The following TRPV2 variants were observed in gnomAD, a reference collection of about 807,000 sequenced individuals.
The protein encoded by TRPV2 is transient receptor potential cation channel subfamily V member 2.
A neutral mutation model predicts 91.0 loss-of-function variants in TRPV2; 58 were observed. That is an observed-to-expected ratio of 0.64 (90% CI 0.52 to 0.79). TRPV2 has a LOEUF of 0.79. Among genes scored for constraint, TRPV2 ranks in the 30% least tolerant of loss-of-function variants. The pLI is 0.00. For synonymous variants in TRPV2, 417 were observed against 414.8 expected, an observed-to-expected ratio of 1.01 and a Z score of -0.06; for missense variants, 807 against 969.6, an observed-to-expected ratio of 0.83 and a Z score of 2.23.
chr17:16,428,716 T>C (rs1001212454), intron 9 of TRPV2, 101 bp from the exon 10 acceptor site: 9 of 1,378,976 alleles, frequency 6.5e-6, no homozygotes, highest in Admixed American at 5.8e-5. Flanking sequence ...AGGTTAAATG[T>C]CTTGCCTAAG....
chr17:16,417,524 C>A, intron 1 of TRPV2, 38 bp from the exon 2 acceptor site: 3 of 817,672 alleles, frequency 3.7e-6, no homozygotes, highest in Non-Finnish European at 5.7e-6. Context: ...AGCCACCACG[C>A]CCAGCCTTTT....
intron 14 of TRPV2, among the ~76,000 whole-genome samples, chr17:16,436,005 C>T (rs1338973539): frequency 6.6e-6 from 1 of 152,176 alleles, no homozygotes; most frequent in African/African-American, 2.4e-5. Context: ...CCAACAGGAA[C>T]AGCCTCGGGG....
At chr17:16,424,729 C>T (rs1033956278) in intron 5 of TRPV2, among the ~76,000 whole-genome samples, 4 of 151,976 alleles carry the variant, frequency 2.6e-5, no homozygotes, top group African/African-American at 9.7e-5. Flanking sequence ...ATTTTGTCTA[C>T]CATAGCACTT....
Position 16,426,823 on chromosome 17 carries a change from G to A in TRPV2, c.1197G>A (p.Leu399=), listed in dbSNP as rs1303567982. The change falls in exon 7 of 15, where the codon CTG becomes CTA. Residue 399 remains leucine (L), a synonymous_variant. Coordinates refer to ENST00000338560, the MANE Select transcript of TRPV2 (RefSeq NM_016113.5). The surrounding 1 kb of genome is among the most constrained non-coding windows in gnomAD (Gnocchi z 6.0). Reference sequence around the variant, plus strand: ...TCTTCTTAAACTTCCTGTGTAATCTGATCTACATGTTCATCTTCACCGCTG... The same window carrying A: ...TCTTCTTAAACTTCCTGTGTAATCTAATCTACATGTTCATCTTCACCGCTG... ...PKFFLNFLCN[L]IYMFIFTAVA... is the part of the protein sequence containing the mutation. 1.9e-6 allele frequency: 3 copies of A among 1,613,746 alleles called. No individual in the cohort carries two copies. Among genetic ancestry groups the A allele is most frequent in the Admixed American group, 3.3e-5 (2 of 59,954 alleles).
chr17:16,425,275 C>T (rs1364534449), intron 5 of TRPV2, among the ~76,000 whole-genome samples: 1 of 152,184 alleles, frequency 6.6e-6, no homozygotes, highest in African/African-American at 2.4e-5. Context: ...CCACCTGCCT[C>T]AGCCTCCCAA....
At chr17:16,432,839 C>T (rs1264977682) in intron 12 of TRPV2, among the ~76,000 whole-genome samples, 38 of 144,924 alleles carry the variant, frequency 2.6e-4, no homozygotes, top group African/African-American at 9.5e-4. Context: ...GAGTTTTGCT[C>T]TTGTTGCCCG....
intron 2 of TRPV2, chr17:16,419,448 T>C: frequency 2.1e-6 from 1 of 470,564 alleles, no homozygotes; most frequent in Admixed American, 2.4e-5. Flanking sequence ...CTGCCAAGCC[T>C]AGAATCTCTC....
chr17:16,416,443 G>A (rs1004025615), intron 1 of TRPV2: 3 of 153,494 alleles, frequency 2.0e-5, no homozygotes, highest in African/African-American at 7.2e-5. Flanking sequence ...CCTGACCGAG[G>A]CCCCACCCTT....
At chr17:16,428,548 C>G (rs2093395671) in intron 9 of TRPV2, 161 bp downstream of exon 9, 1 of 826,328 alleles carries the variant, frequency 1.2e-6, no homozygotes, top group African/African-American at 1.7e-5. Context: ...TGCCGTCCAG[C>G]CTGGGGCCCC....
chr17:16,418,816 T>TC (rs2093343102), intron 2 of TRPV2, among the ~76,000 whole-genome samples: 1 of 152,142 alleles, frequency 6.6e-6, no homozygotes, highest in Non-Finnish European at 1.5e-5. Context: ...AGCCAGACTG[T>TC]CCACAGGGCT....
At position 16,417,581 on chromosome 17, in the gene TRPV2, C is replaced by A. The variant is rs778953873; in HGVS notation, c.-88C>A. On this transcript the variant is annotated 5_prime_UTR_variant, in exon 2 of 15. Transcript: ENST00000338560. ...TTGCAGGCTCCAGTCAGGCCAACAC[C>A]GACGCGCAGCTGGGAGGAAGACAGG... The A allele has an allele frequency of 9.0e-6, 13 of 1,441,460 alleles. No individual in the cohort carries two copies. Among genetic ancestry groups the A allele is most frequent in the African/African-American group, 2.8e-5 (2 of 71,176 alleles). The allele number at this position is 1,441,460 out of a possible 1,614,324, so 89.3% of individuals were successfully genotyped here. A position where few individuals can be genotyped will look rare whatever the true frequency, so the allele number is the denominator to read the frequency against.
chr17:16,426,287 T>C lies in TRPV2; in HGVS notation c.1095+18T>C, dbSNP rs2093382888. ...AGAGCCCGGTGAGCCCACAGGAGCATGGGTGCACGCAGAGGACCCAGCAGA... is the reference window on the plus strand; with the variant it reads ...AGAGCCCGGTGAGCCCACAGGAGCACGGGTGCACGCAGAGGACCCAGCAGA... On this transcript the variant is annotated intron_variant, in intron 6 of 14. Coordinates refer to ENST00000338560, the MANE Select transcript of TRPV2 (RefSeq NM_016113.5). This position sits in a 1 kb window ranked among gnomAD's most constrained non-coding sequence, Gnocchi z 6.0. The C allele has an allele frequency of 7.4e-6, 12 of 1,613,660 alleles. No individual in the cohort carries two copies. Among genetic ancestry groups the C allele is most frequent in the Non-Finnish European group, 1.0e-5 (12 of 1,179,782 alleles).
In TRPV2 at chr17:16,436,886, C is replaced by A. The variant is rs751369460; in HGVS notation, c.2292C>A (p.Asn764Lys). Residue 764 changes from asparagine (N) to lysine (K), a missense_variant, in exon 15 of 15, where the codon AAC (asparagine) becomes AAA (lysine). Physicochemically the swap from Asn to Lys is moderately conservative, Grantham distance 94. Transcript: ENST00000338560. ...NYVPVQLLQS[N>K] is the part of the protein sequence containing the mutation. The stretch of plus-strand genomic sequence containing the variant: ...TGCCCGTCCAGCTCCTCCAGTCCAA[C>A]TGATGGCCCAGATGCAGCAGGAGGC... The A allele has an allele frequency of 1.9e-6, 3 of 1,613,362 alleles. No individual in the cohort carries two copies. The African/African-American group carries it at 4.0e-5, about 22-fold the overall frequency.
chr17:16,423,631 T>C lies in TRPV2; in HGVS notation c.788T>C (p.Ile263Thr), dbSNP rs2093368757. 1.9e-6 allele frequency: 3 copies of C among 1,613,048 alleles called. No individual in the cohort carries two copies. In the African/African-American group the frequency reaches 4.0e-5, roughly 22 times the overall value. ...VMISDNSAEN[I>T]ALVTSMYDGL... ...ATCTCGGACAACTCAGCTGAGAACATTGCACTGGTGACCAGCATGTATGAT... is the reference window on the plus strand; with the variant it reads ...ATCTCGGACAACTCAGCTGAGAACACTGCACTGGTGACCAGCATGTATGAT... Residue 263 changes from isoleucine (I) to threonine (T), a missense_variant, in exon 5 of 15, where the codon ATT becomes ACT. Transcript: ENST00000338560.
rs1352276620 is a variant in TRPV2 at position 16,433,462 on chromosome 17, C to T, written c.1990-112C>T. The T allele has an allele frequency of 1.4e-5, 20 of 1,453,472 alleles. No homozygotes were observed. The South Asian group carries it at 1.5e-4, about 11-fold the overall frequency. 90.0% of individuals were successfully genotyped at this position (1,453,472 alleles called of 1,614,324 possible). The stretch of plus-strand genomic sequence containing the variant: ...TCGAATCCGCGTGTTTAGTTGACTT[C>T]GCGTTATACTGTGAAGTGCTGCGCG... On this transcript the variant is annotated intron_variant, in intron 12 of 14. Coordinates refer to ENST00000338560, the MANE Select transcript of TRPV2 (RefSeq NM_016113.5).
rs754680161 is a variant in TRPV2, at chr17:16,423,547, C to T, written c.704C>T (p.Pro235Leu). 6.2e-7 allele frequency: 1 copy of T among 1,614,196 alleles called. No individual in the cohort carries two copies. Among genetic ancestry groups the T allele is most frequent in the Admixed American group, 1.7e-5 (1 of 60,030 alleles). Residue 235 changes from proline to leucine, a missense_variant, in exon 5 of 15, where the codon CCC (proline) becomes CTC (leucine). Coordinates refer to ENST00000338560, the MANE Select transcript of TRPV2 (RefSeq NM_016113.5). ...VSYLLENPHQPASLQATDSQG... is the reference protein window; with the variant it reads ...VSYLLENPHQLASLQATDSQG... ...TACCTCCTGGAGAACCCACACCAGC[C>T]CGCCAGCCTGCAGGCCACTGACTCC...
At chr17:16,428,608 G>A (rs1041913902) in intron 9 of TRPV2, 17 of 705,238 alleles carry the variant, frequency 2.4e-5, no homozygotes, top group African/African-American at 2.0e-4. Context: ...CTAGGCCTCG[G>A]CACATACCTG....
chr17:16,432,347 C>A, intron 12 of TRPV2, 47 bp downstream of exon 12: 1 of 1,541,032 alleles, frequency 6.5e-7, no homozygotes, highest in Non-Finnish European at 8.8e-7. Flanking sequence ...CACACTCAGG[C>A]GGTGGGGAGT....
At chr17:16,434,105 A>C (rs1225350921) in intron 13 of TRPV2, among the ~76,000 whole-genome samples, 4 of 152,134 alleles carry the variant, frequency 2.6e-5, no homozygotes, top group African/African-American at 9.7e-5. Flanking sequence ...CATGGAGAAC[A>C]TGCCCTTCTG....
Sources: allele counts gnomAD v4.1 joint callset (sites outside exome capture counted in the v4.1 genomes callset), GRCh38; gene constraint gnomAD v4.1.1; non-coding constraint Gnocchi (gnomAD v3.1); transcripts MANE v1.5; gene names NCBI Gene and HGNC (gene_info 2026-07-23, HGNC 2026-07-21).